TSPAN18: variants seen among roughly 807,000 people sequenced by gnomAD.
TSPAN18 encodes tetraspanin-18.
A neutral mutation model predicts 27.3 loss-of-function variants in TSPAN18; 14 were observed. That is an observed-to-expected ratio of 0.51 (90% CI 0.34 to 0.80). The LOEUF (loss-of-function observed/expected upper bound fraction) is 0.80, where lower values mean the gene tolerates loss of function less well. Ranked by LOEUF, TSPAN18 falls within the 30% of genes least tolerant of loss-of-function variation. TSPAN18 has a pLI of 0.01. For missense variants in TSPAN18, 268 were observed against 323.9 expected, an observed-to-expected ratio of 0.83 and a Z score of 1.32; for synonymous variants, 143 against 136.5, an observed-to-expected ratio of 1.05 and a Z score of -0.33.
At chr11:44,851,616 C>CCCT (rs965555069) in intron 2 of TSPAN18, among the ~76,000 whole-genome samples, 1 of 127,280 alleles carries the variant, frequency 7.9e-6, no homozygotes, top group Non-Finnish European at 1.9e-5. Flanking sequence ...CTTGTCACCT[C>CCCT]CCCCCCCCAA....
chr11:44,805,558 A>T (rs1222340815), intron 2 of TSPAN18, among the ~76,000 whole-genome samples: 3 of 152,150 alleles, frequency 2.0e-5, no homozygotes, highest in African/African-American at 7.2e-5. Flanking sequence ...AGCTTTGCTA[A>T]TAGTGGGATC....
intron 2 of TSPAN18, among the ~76,000 whole-genome samples, chr11:44,853,224 CTG>C (rs1451741901): frequency 6.6e-6 from 1 of 152,018 alleles, no homozygotes; most frequent in African/African-American, 2.4e-5. Context: ...AGCAGAGAGA[CTG>C]TGGAGGTTAT....
intron 2 of TSPAN18, among the ~76,000 whole-genome samples, chr11:44,794,161 G>T (rs1020377100): frequency 6.6e-6 from 1 of 152,194 alleles, no homozygotes; most frequent in Non-Finnish European, 1.5e-5. Context: ...TGGACGCTTG[G>T]CAAGAGGAAG....
At chr11:44,762,488 C>T (rs1047460007) in intron 1 of TSPAN18, among the ~76,000 whole-genome samples, 8 of 152,194 alleles carry the variant, frequency 5.3e-5, no homozygotes, top group Non-Finnish European at 8.8e-5. Flanking sequence ...CACTCCAGAG[C>T]GTTTGCAGTG....
At chr11:44,799,421 G>A (rs1856425794) in intron 2 of TSPAN18, among the ~76,000 whole-genome samples, 1 of 152,140 alleles carries the variant, frequency 6.6e-6, no homozygotes, top group Non-Finnish European at 1.5e-5. Context: ...TATTAGATTA[G>A]CAAGTTCATT....
At chr11:44,920,081 C>G in intron 8 of TSPAN18, 82 bp downstream of exon 8, 1 of 1,381,668 alleles carries the variant, frequency 7.2e-7, no homozygotes, top group Non-Finnish European at 9.8e-7. Flanking sequence ...GCTATCACCC[C>G]AGAGGGTCTG....
intron 2 of TSPAN18, among the ~76,000 whole-genome samples, chr11:44,835,477 A>G (rs1001079030): frequency 2.6e-5 from 4 of 152,054 alleles, no homozygotes; most frequent in African/African-American, 9.7e-5. Flanking sequence ...GCCTTCCCTG[A>G]GAGTTTGGAC....
chr11:44,889,182 T>C (rs1467431749), intron 3 of TSPAN18, among the ~76,000 whole-genome samples: 3 of 152,248 alleles, frequency 2.0e-5, no homozygotes, highest in Admixed American at 1.3e-4. Context: ...ACAGATGGCC[T>C]GTTTCTCCCA....
intron 2 of TSPAN18, among the ~76,000 whole-genome samples, chr11:44,833,805 C>T (rs1439704821): frequency 1.3e-5 from 2 of 151,906 alleles, no homozygotes; most frequent in Non-Finnish European, 2.9e-5. Flanking sequence ...TCTTAAAAGT[C>T]ACCTGGTGGG....
chr11:44,854,202 G>T (rs893633996), intron 2 of TSPAN18, among the ~76,000 whole-genome samples: 1 of 121,090 alleles, frequency 8.3e-6, no homozygotes, highest in African/African-American at 4.2e-5. Context: ...GCAGGGGGTG[G>T]GGGGGGGGGT....
At chr11:44,835,736 G>T (rs1441546040) in intron 2 of TSPAN18, among the ~76,000 whole-genome samples, 1 of 152,176 alleles carries the variant, frequency 6.6e-6, no homozygotes, top group Non-Finnish European at 1.5e-5. Context: ...TGGAAGCTTT[G>T]TGGCAACTGT....
intron 3 of TSPAN18, among the ~76,000 whole-genome samples, chr11:44,891,115 G>A (rs118153267): frequency 0.017 from 2,521 of 152,302 alleles, 32 homozygotes; most frequent in Middle Eastern, 0.041. Context: ...AGGCTGCAGT[G>A]AGCCATGATC....
chr11:44,752,221 G>A (rs924800843), intron 1 of TSPAN18, among the ~76,000 whole-genome samples: 5 of 152,290 alleles, frequency 3.3e-5, no homozygotes, highest in African/African-American at 1.2e-4. Context: ...TCCAAAACAG[G>A]CTAGTTTTAG....
At chr11:44,812,107 C>T (rs991526692) in intron 2 of TSPAN18, among the ~76,000 whole-genome samples, 10 of 152,202 alleles carry the variant, frequency 6.6e-5, no homozygotes, top group African/African-American at 2.4e-4. Context: ...GCCAGGTGGG[C>T]CTGCAAGCTG....
intron 3 of TSPAN18, 46 bp from the exon 4 acceptor site, chr11:44,906,361 G>T: frequency 6.3e-7 from 1 of 1,585,550 alleles, no homozygotes. Flanking sequence ...GTTCTTCCTG[G>T]GTGGGGTCCC....
chr11:44,862,110 G>C (rs778586019), intron 3 of TSPAN18, among the ~76,000 whole-genome samples: 4 of 152,090 alleles, frequency 2.6e-5, no homozygotes, highest in Non-Finnish European at 5.9e-5. Flanking sequence ...ACCAACCGCA[G>C]CCTTGCTTAT....
intron 1 of TSPAN18, among the ~76,000 whole-genome samples, chr11:44,731,631 T>TGAGAGA (rs1168288636): frequency 2.7e-3 from 165 of 60,496 alleles, no homozygotes; most frequent in Middle Eastern, 8.2e-3. Flanking sequence ...TGTGTGTGTG[T>TGAGAGA]GTGAGAGAGA....
At chr11:44,752,079 A>T (rs1326942336) in intron 1 of TSPAN18, among the ~76,000 whole-genome samples, 2 of 152,208 alleles carry the variant, frequency 1.3e-5, no homozygotes, top group Non-Finnish European at 2.9e-5. Context: ...GAACTCTAGC[A>T]CTAGGCCCCA....
chr11:44,874,457 G>T (rs960372874), intron 3 of TSPAN18, among the ~76,000 whole-genome samples: 10 of 152,198 alleles, frequency 6.6e-5, no homozygotes, highest in African/African-American at 2.4e-4. Flanking sequence ...AACACTGTGA[G>T]ATAGTACTAT....
Sources: gnomAD v4.1 joint callset for allele counts (sites outside exome capture counted in the v4.1 genomes callset) on GRCh38, gnomAD v4.1.1 for gene constraint, MANE v1.5 for transcripts, NCBI Gene and HGNC (gene_info 2026-07-23, HGNC 2026-07-21) for gene names.